The following ULK1 variants were observed in gnomAD, a reference collection of about 807,000 sequenced individuals.
ULK1 encodes unc-51 like autophagy activating kinase 1.
ULK1 carries 48 observed loss-of-function variants against 117.5 expected under a neutral mutation model. That is an observed-to-expected ratio of 0.41 (90% CI 0.32 to 0.52). The LOEUF (loss-of-function observed/expected upper bound fraction) is 0.52, where lower values mean the gene tolerates loss of function less well. ULK1 is among the 20% of genes least tolerant of loss of function. The probability of loss-of-function intolerance (pLI) is 0.29; values close to 1 mark genes in which losing one functional copy is unlikely to be tolerated. For missense variants in ULK1, 1,387 were observed against 1,473.4 expected, an observed-to-expected ratio of 0.94 and a Z score of 0.96; for synonymous variants, 790 against 637.8, an observed-to-expected ratio of 1.24 and a Z score of -3.60.
chr12:131,917,915 G>A (rs867824624), intron 22 of ULK1, among the ~76,000 whole-genome samples: 9 of 152,348 alleles, frequency 5.9e-5, no homozygotes, highest in East Asian at 1.9e-4. Flanking sequence ...AGCACAGGCC[G>A]TGCAGACAGG....
chr12:131,916,163 A>G lies in ULK1; in HGVS notation c.1878+4A>G. ...CATCCTGGGCTCCCCCACCAAGGTA[A>G]TGGGCACTGCCATGTGTGCAGGGGC... On this transcript the variant is annotated splice_donor_region_variant and intron_variant, in intron 19 of 27. Transcript: ENST00000321867. The G allele has an allele frequency of 6.2e-7, 1 of 1,610,704 alleles. No individual in the cohort carries two copies. Among genetic ancestry groups the G allele is most frequent in the Non-Finnish European group, 8.5e-7 (1 of 1,179,142 alleles).
At chr12:131,910,101 C>T in intron 10 of ULK1, 100 bp downstream of exon 10, 1 of 1,561,370 alleles carries the variant, frequency 6.4e-7, no homozygotes, top group Non-Finnish European at 8.8e-7. Context: ...GCCCCATGTG[C>T]ACACTGCCCT....
At position 131,917,074 on chromosome 12, in the gene ULK1, G is replaced by T; in HGVS notation, c.2182+12G>T. Reference sequence around the variant, plus strand: ...GCCCATGGAGATCGGTGTGTGGGTGGGTGGGGCTCGGAGGCTGTGGGATGG... The same window carrying T: ...GCCCATGGAGATCGGTGTGTGGGTGTGTGGGGCTCGGAGGCTGTGGGATGG... On this transcript the variant is annotated intron_variant, in intron 21 of 27. Transcript: ENST00000321867. 3 of 1,579,684 alleles carry T rather than the reference G, an allele frequency of 1.9e-6. No homozygotes were observed. Among genetic ancestry groups the T allele is most frequent in the Non-Finnish European group, 1.7e-6 (2 of 1,157,746 alleles).
chr12:131,922,489 C>T lies in ULK1; in HGVS notation c.*1128C>T. 1 of 170,938 alleles carries T rather than the reference C, an allele frequency of 5.9e-6. No homozygotes were observed. The highest frequency in any genetic ancestry group is 1.3e-5 in the Non-Finnish European group (1 of 79,018). 10.6% of individuals were successfully genotyped at this position (170,938 alleles called of 1,614,324 possible). A position where few individuals can be genotyped will look rare whatever the true frequency, so the allele number is the denominator to read the frequency against. The stretch of plus-strand genomic sequence containing the variant: ...GATGTCAGCTCCTCGGCAGGGTAGG[C>T]CTGATGACAGCCCTGTCCCTCCCTG... On this transcript the variant is annotated 3_prime_UTR_variant, in exon 28 of 28. Transcript: ENST00000321867.
chr12:131,910,223 C>T, intron 10 of ULK1, 31 bp from the exon 11 acceptor site: 1 of 1,613,226 alleles, frequency 6.2e-7, no homozygotes, highest in Non-Finnish European at 8.5e-7. Context: ...CTGGGGTCCT[C>T]CTGAGGCCTC....
intron 3 of ULK1, chr12:131,906,678 C>T: frequency 1.6e-6 from 1 of 618,522 alleles, no homozygotes; most frequent in Non-Finnish European, 2.9e-6. Context: ...GGGGCCTTTG[C>T]CTTGATCAGA....
Position 131,905,162 on chromosome 12 carries a change from G to A in ULK1, c.247-1730G>A, listed in dbSNP as rs1566116280. Reference sequence around the variant, plus strand: ...TGCAGTGTCTGTGGATCCTGGGGTTGCTGCCTGAGCACCATCGGCCTTAGC... The same window carrying A: ...TGCAGTGTCTGTGGATCCTGGGGTTACTGCCTGAGCACCATCGGCCTTAGC... On this transcript the variant is annotated intron_variant, in intron 3 of 27. Transcript: ENST00000321867. 3.9e-5 allele frequency among the ~76,000 whole-genome samples: 6 copies of A among 152,152 alleles called. 1 individual carries two copies. In the South Asian group the frequency reaches 1.2e-3, roughly 31 times the overall value.
At chr12:131,906,100 T>TTTTTTTTTTTTGAGATGGAG (rs1889262385) in intron 3 of ULK1, among the ~76,000 whole-genome samples, 1 of 151,152 alleles carries the variant, frequency 6.6e-6, no homozygotes, top group Non-Finnish European at 1.5e-5. Context: ...TGTTGGCGTC[T>TTTTTTTTTTTTGAGATGGAG]TCTTTTTTTT....
chr12:131,907,402 A>T, intron 4 of ULK1, 93 bp from the exon 5 acceptor site: 1 of 1,491,848 alleles, frequency 6.7e-7, no homozygotes, highest in South Asian at 1.2e-5. Flanking sequence ...CTCAGGGAGT[A>T]GTGTCCAAGT....
At chr12:131,920,289 C>A in intron 26 of ULK1, 153 bp downstream of exon 26, 1 of 1,045,234 alleles carries the variant, frequency 9.6e-7, no homozygotes, top group Non-Finnish European at 1.3e-6. Context: ...GCACCCCCAG[C>A]CTCCTGCAGG....
chr12:131,897,240 G>A (rs1312642439), intron 3 of ULK1: 1 of 152,242 alleles, frequency 6.6e-6, no homozygotes, highest in Non-Finnish European at 1.5e-5. Flanking sequence ...CCCTGTGTCG[G>A]TAAGGCAATG....
rs1189793537 is a variant in ULK1, at chr12:131,920,058, C to G, written c.2883C>G (p.Phe961Leu). 1.2e-6 allele frequency: 2 copies of G among 1,612,838 alleles called. No homozygotes were observed. Residue 961 changes from phenylalanine to leucine, a missense_variant, in exon 26 of 28, where the codon TTC (phenylalanine) becomes TTG (leucine). Physicochemically the swap from Phe to Leu is conservative, Grantham distance 22. Transcript: ENST00000321867. Reference protein sequence around the residue: ...QGLSLRLQRFFLDKQRLLDRI... With the variant: ...QGLSLRLQRFLLDKQRLLDRI... ...TGAGCCTGCGGCTGCAGCGCTTCTT[C>G]CTGGACAAGCAGCGGCTCCTGGACC...
chr12:131,920,351 T>G, intron 26 of ULK1: 1 of 586,392 alleles, frequency 1.7e-6, no homozygotes, highest in South Asian at 2.2e-5. Context: ...CCGTGGCCCA[T>G]GTGCATCCTG....
intron 3 of ULK1, among the ~76,000 whole-genome samples, chr12:131,899,988 G>C (rs899999009): frequency 3.3e-5 from 5 of 152,148 alleles, no homozygotes; most frequent in Non-Finnish European, 7.4e-5. Context: ...GTGGTGGCCC[G>C]TGCCTGTAGT....
At chr12:131,896,304 GC>G (rs1888867656) in intron 3 of ULK1, among the ~76,000 whole-genome samples, 1 of 152,186 alleles carries the variant, frequency 6.6e-6, no homozygotes, top group Admixed American at 6.5e-5. Flanking sequence ...ACAGGCGGCT[GC>G]CGCTGGCTGG....
chr12:131,905,939 T>A, intron 3 of ULK1, among the ~76,000 whole-genome samples: 1 of 152,040 alleles, frequency 6.6e-6, no homozygotes, highest in East Asian at 1.9e-4. Context: ...GCTGGTCAGG[T>A]CTTGTTGGCC....
Position 131,921,454 on chromosome 12 carries a change from T to A in ULK1, c.*93T>A. ...ACTCCTCGGGACAAGCCCATGGCGC[T>A]GATCGCTGGTGCTGAGCCCTGCCCT... On this transcript the variant is annotated 3_prime_UTR_variant, in exon 28 of 28. Transcript: ENST00000321867. 1 of 1,564,300 alleles carries A rather than the reference T, an allele frequency of 6.4e-7. No homozygotes were observed. Among genetic ancestry groups the A allele is most frequent in the Non-Finnish European group, 8.7e-7 (1 of 1,151,966 alleles).
intron 16 of ULK1, 24 bp downstream of exon 16, chr12:131,914,501 C>T: frequency 6.2e-7 from 1 of 1,605,218 alleles, no homozygotes; most frequent in Non-Finnish European, 8.5e-7. Context: ...CCCCAGGTAG[C>T]CAGGCGTGGC....
At chr12:131,917,630 A>T in intron 22 of ULK1, 76 bp downstream of exon 22, 1 of 1,277,246 alleles carries the variant, frequency 7.8e-7, no homozygotes. Context: ...GCATCCTTTA[A>T]CTCGGGTCAC....
Sources: allele counts gnomAD v4.1 joint callset (sites outside exome capture counted in the v4.1 genomes callset), GRCh38; gene constraint gnomAD v4.1.1; transcripts MANE v1.5; gene names NCBI Gene and HGNC (gene_info 2026-07-23, HGNC 2026-07-21).